Variants in AVL9 observed in about 807,000 individuals in gnomAD.
AVL9 encodes late secretory pathway protein AVL9 homolog.
A neutral mutation model predicts 79.2 loss-of-function variants in AVL9; 49 were observed. The ratio of observed to expected loss-of-function variants is 0.62; its 90% CI spans 0.49 to 0.79. The LOEUF is 0.79. Among genes scored for constraint, AVL9 ranks in the 30% least tolerant of loss-of-function variants. The probability of loss-of-function intolerance (pLI) is 0.00; values close to 1 mark genes in which losing one functional copy is unlikely to be tolerated. For synonymous variants in AVL9, 299 were observed against 280.6 expected, an observed-to-expected ratio of 1.07 and a Z score of -0.65; for missense variants, 682 against 776.8, an observed-to-expected ratio of 0.88 and a Z score of 1.45.
chr7:32,499,344 A>G (rs1017804974), intron 1 of AVL9, among the ~76,000 whole-genome samples: 18 of 112,874 alleles, frequency 1.6e-4, no homozygotes, highest in Non-Finnish European at 3.0e-4. Context: ...TCAAATATAT[A>G]TCACATTAAC....
chr7:32,525,979 C>T (rs766142286), intron 1 of AVL9, among the ~76,000 whole-genome samples: 1 of 151,954 alleles, frequency 6.6e-6, no homozygotes, highest in Non-Finnish European at 1.5e-5. Context: ...AGGGAAAAAA[C>T]GGGAAACAGG....
At chr7:32,501,872 A>T (rs1237795168) in intron 1 of AVL9, among the ~76,000 whole-genome samples, 1 of 152,166 alleles carries the variant, frequency 6.6e-6, no homozygotes, top group African/African-American at 2.4e-5. Context: ...TCTACTAGGG[A>T]TGGACAACAG....
intron 13 of AVL9, among the ~76,000 whole-genome samples, chr7:32,579,461 TATATA>T (rs1356634932): frequency 0.15 from 1,325 of 9,002 alleles, 555 homozygotes; most frequent in East Asian, 0.3. Context: ...TTATATATTA[TATATA>T]ATATATTATA....
intron 11 of AVL9, among the ~76,000 whole-genome samples, chr7:32,570,580 C>T (rs182362416): frequency 2.0e-5 from 3 of 151,758 alleles, no homozygotes; most frequent in Middle Eastern, 3.5e-3. Flanking sequence ...TCAATATATA[C>T]GAAATTCAAA....
At chr7:32,522,417 G>C (rs1478768607) in intron 1 of AVL9, among the ~76,000 whole-genome samples, 1 of 152,186 alleles carries the variant, frequency 6.6e-6, no homozygotes, top group East Asian at 1.9e-4. Context: ...TCATTTTGGA[G>C]CTTTAACATT....
chr7:32,498,396 G>A (rs553816921), intron 1 of AVL9, among the ~76,000 whole-genome samples: 78 of 151,940 alleles, frequency 5.1e-4, no homozygotes, highest in Non-Finnish European at 7.7e-4. Context: ...TTACAGGCAT[G>A]CACCACCGTA....
chr7:32,512,148 G>A (rs1583494838), intron 1 of AVL9, among the ~76,000 whole-genome samples: 1 of 152,300 alleles, frequency 6.6e-6, no homozygotes, highest in Admixed American at 6.5e-5. Flanking sequence ...ATGGGAAGTA[G>A]CAAAGAAAAT....
Position 32,580,250 on chromosome 7 carries a change from G to T in AVL9, c.1720G>T (p.Asp574Tyr). 1.2e-6 allele frequency: 2 copies of T among 1,612,402 alleles called. No individual in the cohort carries two copies. Among genetic ancestry groups the T allele is most frequent in the South Asian group, 2.2e-5 (2 of 90,778 alleles). The part of the protein sequence containing the change: ...HPFQGQYSVS[D>Y]MKLRFSHSVQ... ...ATTTCAAGGCCAATACTCAGTATCA[G>T]ACATGAAGTTAAGGTTCTCACAGTA... is the stretch of plus-strand genomic sequence containing the variant. The change falls in exon 14 of 16, where the codon GAC becomes TAC. Residue 574 changes from aspartate to tyrosine, a missense_variant. Asp to Tyr is a radical substitution (Grantham distance 160). Coordinates refer to ENST00000318709, the MANE Select transcript of AVL9 (RefSeq NM_015060.3).
intron 1 of AVL9, among the ~76,000 whole-genome samples, chr7:32,517,260 C>T (rs917400274): frequency 2.6e-5 from 4 of 151,542 alleles, no homozygotes; most frequent in Admixed American, 6.6e-5. Context: ...TAAGCCCAAA[C>T]GCTTTTCAAG....
At chr7:32,497,653 CT>C (rs59504023) in intron 1 of AVL9, among the ~76,000 whole-genome samples, 51,190 of 116,974 alleles carry the variant, frequency 0.44, 9,240 homozygotes, top group Non-Finnish European at 0.51. Context: ...ACCATTAGTT[CT>C]TTTTTTTTTT....
At position 32,584,774 on chromosome 7, in the gene AVL9, T is replaced by G. The variant is rs56177100; in HGVS notation, c.*867T>G. 3 of 590 alleles carry G rather than the reference T, an allele frequency of 5.1e-3. No homozygotes were observed. Among genetic ancestry groups the G allele is most frequent in the African/African-American group, 0.01 (2 of 194 alleles). The allele number at this position is 590 out of a possible 1,614,324, so 0.0% of individuals were successfully genotyped here. A position where few individuals can be genotyped will look rare whatever the true frequency, so the allele number is the denominator to read the frequency against. ...GTGCCATCTGTTTCTCTTTTTTTTT[T>G]TGGGGGGGGGGGGGGGGCGGGGTCT... On this transcript the variant is annotated 3_prime_UTR_variant, in exon 16 of 16. Coordinates refer to ENST00000318709, the MANE Select transcript of AVL9 (RefSeq NM_015060.3).
At chr7:32,575,365 C>G (rs1263240074) in intron 12 of AVL9, among the ~76,000 whole-genome samples, 1 of 152,112 alleles carries the variant, frequency 6.6e-6, no homozygotes, top group African/African-American at 2.4e-5. Flanking sequence ...TCCCAAAGTG[C>G]TGGGATTACA....
At chr7:32,514,921 C>T (rs566480752) in intron 1 of AVL9, among the ~76,000 whole-genome samples, 5 of 152,308 alleles carry the variant, frequency 3.3e-5, no homozygotes, top group East Asian at 3.9e-4. Context: ...TCTCTTCACA[C>T]GGACACGCAT....
chr7:32,514,845 C>T (rs1162656015), intron 1 of AVL9, among the ~76,000 whole-genome samples: 1 of 152,172 alleles, frequency 6.6e-6, no homozygotes, highest in South Asian at 2.1e-4. Flanking sequence ...ACTCTCTTTT[C>T]GGACTCAGCC....
rs34398970 is a variant in AVL9, at chr7:32,575,515, C to CT, written c.1571-431dup. On this transcript the variant is annotated intron_variant, in intron 12 of 15. Coordinates refer to ENST00000318709, the MANE Select transcript of AVL9 (RefSeq NM_015060.3). The stretch of plus-strand genomic sequence containing the variant: ...ACCAATTTGTGTATTCATTCTTAAT[C>CT]TTTTTTTTTGTAGAAAAATGACATT... 8.4e-3 allele frequency among the ~76,000 whole-genome samples: 1,163 copies of CT among 139,190 alleles called. 10 individuals are homozygous for CT. The highest frequency in any genetic ancestry group is 0.027 in the African/African-American group (1,105 of 40,348). 91.3% of individuals were successfully genotyped at this position (139,190 alleles called of 152,430 possible).
chr7:32,533,005 GACC>G (rs879769447), intron 1 of AVL9: 37,919 of 152,258 alleles, frequency 0.25, 5,618 homozygotes, highest in Admixed American at 0.42. Context: ...GACAGAGCAA[GACC>G]CTGTCTCTTA....
At chr7:32,522,210 A>G (rs1433541388) in intron 1 of AVL9, among the ~76,000 whole-genome samples, 1 of 152,186 alleles carries the variant, frequency 6.6e-6, no homozygotes, top group Admixed American at 6.5e-5. Context: ...ATTGTCTTCT[A>G]GACCCCAGAA....
intron 1 of AVL9, among the ~76,000 whole-genome samples, chr7:32,504,157 G>A (rs547382723): frequency 3.9e-5 from 6 of 152,140 alleles, no homozygotes; most frequent in African/African-American, 9.7e-5. Context: ...AACATGAATT[G>A]ATGTATAAAA....
At chr7:32,554,831 TGGC>T (rs1789988499) in intron 8 of AVL9, among the ~76,000 whole-genome samples, 1 of 152,162 alleles carries the variant, frequency 6.6e-6, no homozygotes, top group Admixed American at 6.5e-5. Context: ...AAGGACATAT[TGGC>T]TCACTTTGGA....
Sources: allele counts gnomAD v4.1 joint callset (sites outside exome capture counted in the v4.1 genomes callset), GRCh38; gene constraint gnomAD v4.1.1; transcripts MANE v1.5; gene names NCBI Gene and HGNC (gene_info 2026-07-23, HGNC 2026-07-21).